The following PARL variants were observed in gnomAD, a reference collection of about 807,000 sequenced individuals.
PARL encodes presenilin associated rhomboid like, also known as presenilin-associated rhomboid-like protein, mitochondrial.
Under a neutral mutation model 51.6 loss-of-function variants are expected in PARL, and 44 were observed. The ratio of observed to expected loss-of-function variants is 0.85; its 90% CI spans 0.67 to 1.10. The LOEUF is 1.10. Among genes scored for constraint, PARL ranks in the 50% least tolerant of loss-of-function variants. The pLI is 0.00. For missense variants in PARL, 441 were observed against 469.5 expected (o/e 0.94, Z 0.56); for synonymous variants, 172 against 164.0 (o/e 1.05, Z -0.37).
At chr3:183,854,832 C>A (rs1405980080) in intron 4 of PARL, among the ~76,000 whole-genome samples, 1 of 146,530 alleles carries the variant, frequency 6.8e-6, no homozygotes, top group Non-Finnish European at 1.5e-5. Context: ...TATGTCCACA[C>A]AAAAATGTGC....
intron 4 of PARL, among the ~76,000 whole-genome samples, chr3:183,845,604 T>C (rs575302318): frequency 1.1e-4 from 16 of 152,284 alleles, no homozygotes; most frequent in African/African-American, 3.8e-4. Flanking sequence ...AGGGACAGCA[T>C]TTATGCAAAG....
Position 183,847,214 on chromosome 3 carries a change from C to T in PARL, c.512-2888G>A, listed in dbSNP as rs556577088. 1.8e-4 allele frequency among the ~76,000 whole-genome samples: 27 copies of T among 152,278 alleles called. No homozygotes were observed. The South Asian group carries it at 3.7e-3, about 21-fold the overall frequency. The stretch of plus-strand genomic sequence containing the variant: ...TTATAACCTGGGGAAGAGGCCTAAC[C>T]GCTCAGCTTGTTTCCTCTTCTGTAA... On this transcript the variant is annotated intron_variant, in intron 4 of 9. Transcript: ENST00000317096.
At chr3:183,877,217 A>G (rs1460851646) in intron 1 of PARL, among the ~76,000 whole-genome samples, 1 of 152,176 alleles carries the variant, frequency 6.6e-6, no homozygotes, top group Admixed American at 6.6e-5. Context: ...TCCATCTCGA[A>G]AAAAAAGAAA....
chr3:183,843,712 T>A (rs1270879447), intron 5 of PARL, among the ~76,000 whole-genome samples: 1 of 151,860 alleles, frequency 6.6e-6, no homozygotes, highest in Non-Finnish European at 1.5e-5. Context: ...GCACCTGTAG[T>A]CCCAGCTACT....
At chr3:183,880,005 G>A (rs1734266372) in intron 1 of PARL, among the ~76,000 whole-genome samples, 1 of 151,342 alleles carries the variant, frequency 6.6e-6, no homozygotes, top group South Asian at 2.1e-4. Flanking sequence ...TGCTCCCAAA[G>A]GATTACAGGA....
intron 7 of PARL, among the ~76,000 whole-genome samples, chr3:183,836,515 A>C (rs1284899473): frequency 6.6e-6 from 1 of 152,106 alleles, no homozygotes; most frequent in Non-Finnish European, 1.5e-5. Flanking sequence ...GACTTTTTTC[A>C]CTTTTTCGAG....
At chr3:183,843,047 C>T (rs1008801507) in intron 5 of PARL, 16 of 203,676 alleles carry the variant, frequency 7.9e-5, no homozygotes, top group African/African-American at 3.8e-4. Flanking sequence ...CCATGCCCAA[C>T]TAATTTTTGT....
chr3:183,835,936 T>TG (rs1030527468), intron 7 of PARL, among the ~76,000 whole-genome samples: 22 of 151,696 alleles, frequency 1.5e-4, no homozygotes, highest in Non-Finnish European at 2.9e-5. Flanking sequence ...TATGAAGTTC[T>TG]GCCAGGCACA....
At chr3:183,860,232 G>A (rs1316449808) in intron 4 of PARL, among the ~76,000 whole-genome samples, 1 of 152,078 alleles carries the variant, frequency 6.6e-6, no homozygotes, top group Non-Finnish European at 1.5e-5. Flanking sequence ...GGACTAATTG[G>A]CACCCCAGGA....
chr3:183,838,214 A>G (rs558057473), intron 7 of PARL, among the ~76,000 whole-genome samples: 39 of 151,832 alleles, frequency 2.6e-4, no homozygotes, highest in Middle Eastern at 3.4e-3. Context: ...TTTTGTAGAG[A>G]TGGGGTCTCA....
chr3:183,833,238 G>A (rs1244606314), intron 9 of PARL, among the ~76,000 whole-genome samples: 4 of 152,196 alleles, frequency 2.6e-5, no homozygotes, highest in Admixed American at 2.6e-4. Context: ...GGGAATAACA[G>A]GCCAACAGTT....
intron 3 of PARL, among the ~76,000 whole-genome samples, chr3:183,865,305 C>G (rs1732337815): frequency 6.6e-6 from 1 of 151,976 alleles, no homozygotes; most frequent in Non-Finnish European, 1.5e-5. Flanking sequence ...GGGACGCTGT[C>G]TCTTAGAAAA....
intron 3 of PARL, among the ~76,000 whole-genome samples, chr3:183,864,055 T>A (rs1232811929): frequency 1.3e-5 from 2 of 152,232 alleles, no homozygotes; most frequent in Non-Finnish European, 2.9e-5. Flanking sequence ...AGATCCAGGA[T>A]AATGGAATAG....
chr3:183,883,455 A>G (rs1213930995), intron 1 of PARL: 1 of 228,754 alleles, frequency 4.4e-6, no homozygotes, highest in Non-Finnish European at 7.2e-6. Flanking sequence ...TTTTTAGTAG[A>G]GACGGGGTTT....
chr3:183,847,134 T>C (rs974038856), intron 4 of PARL, among the ~76,000 whole-genome samples: 2 of 152,216 alleles, frequency 1.3e-5, no homozygotes, highest in Non-Finnish European at 2.9e-5. Context: ...GTACTGCATT[T>C]TGGCTAAAAG....
intron 1 of PARL, among the ~76,000 whole-genome samples, chr3:183,882,086 C>G (rs1004738509): frequency 6.6e-6 from 1 of 150,694 alleles, no homozygotes; most frequent in South Asian, 2.1e-4. Flanking sequence ...TGCCTGTAAT[C>G]CCAGCTACTC....
At chr3:183,827,372 T>C (rs902287257), downstream of PARL, among the ~76,000 whole-genome samples, 5 of 152,028 alleles carry the variant, frequency 3.3e-5, no homozygotes, top group Non-Finnish European at 5.9e-5. Flanking sequence ...AGCCCAGGAC[T>C]TCAAGGCTAC....
At chr3:183,827,904 G>A (rs950365184), downstream of PARL, among the ~76,000 whole-genome samples, 1 of 152,230 alleles carries the variant, frequency 6.6e-6, no homozygotes, top group African/African-American at 2.4e-5. Flanking sequence ...TGGAATGAGG[G>A]AGACGGCAGC....
intron 1 of PARL, 77 bp downstream of exon 1, chr3:183,884,645 C>A: frequency 6.9e-7 from 1 of 1,439,804 alleles, no homozygotes. Context: ...GAGGCCCAGA[C>A]GGCCTCCGCC....
Sources: allele counts gnomAD v4.1 joint callset (sites outside exome capture counted in the v4.1 genomes callset), GRCh38; gene constraint gnomAD v4.1.1; transcripts MANE v1.5; gene names NCBI Gene and HGNC (gene_info 2026-07-23, HGNC 2026-07-21).